RNF38: variants seen among roughly 807,000 people sequenced by gnomAD.
RNF38 encodes the protein E3 ubiquitin-protein ligase RNF38.
Under a neutral mutation model 67.2 loss-of-function variants are expected in RNF38, and 15 were observed. The ratio of observed to expected loss-of-function variants is 0.22; its 90% confidence interval spans 0.15 to 0.34. The LOEUF (loss-of-function observed/expected upper bound fraction) is 0.34. Among genes scored for constraint, RNF38 ranks in the 10% least tolerant of loss-of-function variants. The pLI is 1.00. For missense variants in RNF38, 524 were observed against 639.9 expected (o/e 0.82, Z 1.95); for synonymous variants, 220 against 218.8 (o/e 1.01, Z -0.05).
chr9:36,355,106 T>A (rs1403487797), intron 6 of RNF38, among the ~76,000 whole-genome samples: 3 of 152,194 alleles, frequency 2.0e-5, no homozygotes. Context: ...CAGAAGCAAT[T>A]CTACCTCTTC....
At chr9:36,405,315 T>A (rs997639350), upstream of RNF38, among the ~76,000 whole-genome samples, 1 of 152,196 alleles carries the variant, frequency 6.6e-6, no homozygotes, top group Non-Finnish European at 1.5e-5. Context: ...GAAAAACTTC[T>A]GTATCTACAA....
intron 2 of RNF38, among the ~76,000 whole-genome samples, chr9:36,383,207 G>T (rs957316797): frequency 6.6e-6 from 1 of 152,104 alleles, no homozygotes; most frequent in African/African-American, 2.4e-5. Flanking sequence ...GTAAAATGTG[G>T]TTTTTTGGTT....
intron 2 of RNF38, among the ~76,000 whole-genome samples, chr9:36,418,311 C>T (rs1838527751): frequency 1.3e-5 from 2 of 150,486 alleles, no homozygotes; most frequent in African/African-American, 4.9e-5. Flanking sequence ...GCTGGGATTA[C>T]AGGCATGAGC....
At chr9:36,422,314 C>T (rs1838650219) in intron 2 of RNF38, among the ~76,000 whole-genome samples, 1 of 151,900 alleles carries the variant, frequency 6.6e-6, no homozygotes, top group African/African-American at 2.4e-5. Context: ...ATCCCAGCTA[C>T]TCAGGAGGCT....
chr9:36,359,615 T>C (rs1168108863), intron 4 of RNF38, among the ~76,000 whole-genome samples: 2 of 152,202 alleles, frequency 1.3e-5, no homozygotes, highest in Non-Finnish European at 2.9e-5. Context: ...ATCTTTTCAT[T>C]TTTTGGCATT....
intron 2 of RNF38, among the ~76,000 whole-genome samples, chr9:36,378,996 G>T (rs1836001578): frequency 1.3e-5 from 2 of 151,966 alleles, no homozygotes; most frequent in South Asian, 2.1e-4. Flanking sequence ...TGCCTCCTGG[G>T]TTCAAGTGAT....
chr9:36,459,100 C>T (rs2134366296), intron 1 of RNF38, among the ~76,000 whole-genome samples: 1 of 151,614 alleles, frequency 6.6e-6, no homozygotes, highest in South Asian at 2.1e-4. Flanking sequence ...CCCAGCTACT[C>T]AGGAGGCTGA....
intron 4 of RNF38, among the ~76,000 whole-genome samples, chr9:36,367,317 G>A (rs1292883264): frequency 2.0e-5 from 3 of 152,068 alleles, no homozygotes; most frequent in African/African-American, 7.2e-5. Flanking sequence ...CAAAAGGAAT[G>A]CTATCAATAA....
chr9:36,374,690 A>G (rs1348588821), intron 3 of RNF38, among the ~76,000 whole-genome samples: 2 of 152,168 alleles, frequency 1.3e-5, no homozygotes, highest in East Asian at 1.9e-4. Context: ...AGGCTTCACC[A>G]TGTTGGCCAG....
chr9:36,356,621 G>A, intron 5 of RNF38, 148 bp from the exon 6 acceptor site: 1 of 563,762 alleles, frequency 1.8e-6, no homozygotes, highest in Non-Finnish European at 3.0e-6. Flanking sequence ...TGAAATACCA[G>A]TGTATTTTTT....
chr9:36,362,845 G>A (rs1186970997), intron 4 of RNF38, among the ~76,000 whole-genome samples: 3 of 151,148 alleles, frequency 2.0e-5, no homozygotes, highest in African/African-American at 7.3e-5. Flanking sequence ...TGTTGGCCAG[G>A]ATGGTCTCGA....
At chr9:36,357,751 A>T (rs760848194) in intron 5 of RNF38, 24 bp downstream of exon 5, 2 of 1,605,184 alleles carry the variant, frequency 1.2e-6, no homozygotes, top group Non-Finnish European at 1.7e-6. Flanking sequence ...GTAATATCTA[A>T]TGAGAACAAA....
chr9:36,342,313 T>C lies in RNF38; in HGVS notation c.1485+12A>G, dbSNP rs1283308430. On this transcript the variant is annotated intron_variant, in intron 11 of 11. Transcript: ENST00000259605. ...TTCAATGTCATTTCCTTTAAAGATG[T>C]CATCACTTTACCTTAAGCCATTTGT... The C allele has an allele frequency of 1.3e-6, 2 of 1,559,620 alleles. No individual in the cohort carries two copies. The highest frequency in any genetic ancestry group is 1.8e-6 in the Non-Finnish European group (2 of 1,130,408).
At chr9:36,416,740 ATATTTTTT>A (rs1838481082) in intron 2 of RNF38, among the ~76,000 whole-genome samples, 1 of 73,056 alleles carries the variant, frequency 1.4e-5, no homozygotes, top group South Asian at 5.1e-4. Flanking sequence ...TGCTGCCTCG[ATATTTTTT>A]TTTTTTTTTT....
chr9:36,373,349 A>G (rs1458218564), intron 3 of RNF38, among the ~76,000 whole-genome samples: 1 of 152,228 alleles, frequency 6.6e-6, no homozygotes, highest in Non-Finnish European at 1.5e-5. Context: ...TAAAAACAGA[A>G]TGCTTAATAA....
intron 1 of RNF38, among the ~76,000 whole-genome samples, chr9:36,455,241 A>G (rs1177489292): frequency 4.0e-5 from 6 of 151,720 alleles, no homozygotes; most frequent in Admixed American, 6.6e-5. Flanking sequence ...TCCTGTTTTT[A>G]GTAGAGACGG....
intron 2 of RNF38, among the ~76,000 whole-genome samples, chr9:36,388,481 C>CA (rs148729022): frequency 2.7e-5 from 4 of 149,842 alleles, no homozygotes; most frequent in African/African-American, 4.9e-5. Context: ...ATATGACTGA[C>CA]AAAAAAAAAG....
intron 1 of RNF38, among the ~76,000 whole-genome samples, chr9:36,436,063 T>G (rs1839058615): frequency 6.6e-6 from 1 of 152,244 alleles, no homozygotes; most frequent in Non-Finnish European, 1.5e-5. Context: ...ATTTAAATGT[T>G]AAGCTTCCTA....
chr9:36,343,845 C>A (rs1833025189), intron 10 of RNF38, among the ~76,000 whole-genome samples: 1 of 152,104 alleles, frequency 6.6e-6, no homozygotes, highest in Non-Finnish European at 1.5e-5. Flanking sequence ...TATATAGACA[C>A]AGTGTAGACT....
Sources: gnomAD v4.1 joint callset for allele counts (sites outside exome capture counted in the v4.1 genomes callset) on GRCh38, gnomAD v4.1.1 for gene constraint, MANE v1.5 for transcripts, NCBI Gene and HGNC (gene_info 2026-07-23, HGNC 2026-07-21) for gene names.